The following TACC2 variants were observed in gnomAD, a reference collection of about 807,000 sequenced individuals.
TACC2 encodes transforming acidic coiled-coil containing protein 2, also known as transforming acidic coiled-coil-containing protein 2.
TACC2 carries 137 observed loss-of-function variants against 227.3 expected under a neutral mutation model. The ratio of observed to expected loss-of-function variants is 0.60; its 90% CI spans 0.52 to 0.69. The LOEUF (loss-of-function observed/expected upper bound fraction) is 0.69. Among genes scored for constraint, TACC2 ranks in the 30% least tolerant of loss-of-function variants. The probability of loss-of-function intolerance (pLI) is 0.00; values close to 1 mark genes in which losing one functional copy is unlikely to be tolerated. For synonymous variants in TACC2, 1,523 were observed against 1,487.5 expected (o/e 1.02, Z -0.55); for missense variants, 3,470 against 3,694.4 (o/e 0.94, Z 1.57).
intron 6 of TACC2, 105 bp from the exon 7 acceptor site, chr10:122,143,467 A>G: frequency 8.7e-7 from 1 of 1,150,948 alleles, no homozygotes; most frequent in Non-Finnish European, 1.2e-6. Context: ...TAAAGAGTCC[A>G]TTCCATGTGT....
intron 1 of TACC2, among the ~76,000 whole-genome samples, chr10:122,016,199 C>T (rs11200329): frequency 6.8e-6 from 1 of 146,800 alleles, no homozygotes; most frequent in African/African-American, 2.5e-5. Context: ...AAGATCAAGT[C>T]TGCAGTGAGC....
chr10:122,221,344 G>A (rs1006503697), intron 11 of TACC2, among the ~76,000 whole-genome samples: 2 of 152,164 alleles, frequency 1.3e-5, no homozygotes, highest in African/African-American at 2.4e-5. Flanking sequence ...GGAACTATTG[G>A]TCTACACAGC....
chr10:122,041,742 G>C (rs920002440), intron 2 of TACC2, among the ~76,000 whole-genome samples: 1 of 152,180 alleles, frequency 6.6e-6, no homozygotes. Context: ...CACAGCACCC[G>C]GCCTTGACAG....
At chr10:122,225,704 T>G (rs1189683833) in intron 12 of TACC2, among the ~76,000 whole-genome samples, 1 of 152,200 alleles carries the variant, frequency 6.6e-6, no homozygotes, top group African/African-American at 2.4e-5. Context: ...CTTCCTCTTG[T>G]GCCACCACCC....
chr10:122,186,661 C>T (rs906745113), intron 7 of TACC2, among the ~76,000 whole-genome samples: 2 of 152,012 alleles, frequency 1.3e-5, no homozygotes, highest in Non-Finnish European at 2.9e-5. Context: ...TACAGGTGCC[C>T]GCCACCATAC....
intron 1 of TACC2, among the ~76,000 whole-genome samples, chr10:121,989,782 G>GGTTCTTACT (rs890887773): frequency 2.0e-5 from 3 of 150,996 alleles, no homozygotes; most frequent in Admixed American, 6.6e-5. Context: ...TTTAGAGATA[G>GGTTCTTACT]GTTCTTACTC....
At position 122,084,774 on chromosome 10, in the gene TACC2, C is replaced by T; in HGVS notation, c.2274C>T (p.Ser758=). The part of the protein sequence containing the change: ...GSCDGEGLLT[S]PDQPRGPACD... ...GTGATGGGGAGGGCTTGCTGACGTC[C>T]CCAGATCAACCCCGCGGGCCGGCGT... Residue 758 remains serine (S), a synonymous_variant, in exon 4 of 23, where the codon TCC becomes TCT. Coordinates refer to ENST00000369005, the MANE Select transcript of TACC2 (RefSeq NM_206862.4). 1 of 1,613,588 alleles carries T rather than the reference C, an allele frequency of 6.2e-7. No homozygotes were observed. The highest frequency in any genetic ancestry group is 2.2e-5 in the East Asian group (1 of 44,884).
At chr10:122,204,526 A>C (rs914509111) in intron 8 of TACC2, among the ~76,000 whole-genome samples, 1 of 152,204 alleles carries the variant, frequency 6.6e-6, no homozygotes, top group African/African-American at 2.4e-5. Flanking sequence ...AGTGACAGTC[A>C]GCAAAGCAGG....
At chr10:122,187,675 GA>G (rs1303006444) in intron 7 of TACC2, among the ~76,000 whole-genome samples, 3 of 151,910 alleles carry the variant, frequency 2.0e-5, no homozygotes, top group Non-Finnish European at 2.9e-5. Flanking sequence ...AGTTTTAGTA[GA>G]GACAGGGTTT....
chr10:122,112,958 A>C (rs2420983), intron 5 of TACC2: 113,529 of 151,976 alleles, frequency 0.75, 44,736 homozygotes, highest in East Asian at 0.93. Context: ...CGGGTCGGAG[A>C]GCCCAGAGCT....
intron 7 of TACC2, among the ~76,000 whole-genome samples, chr10:122,168,747 A>G (rs2093327173): frequency 6.6e-6 from 1 of 152,190 alleles, no homozygotes; most frequent in Admixed American, 6.5e-5. Flanking sequence ...TTGCTCTTCC[A>G]TCGACCCTCC....
At chr10:122,121,235 C>T (rs1231398084) in intron 5 of TACC2, among the ~76,000 whole-genome samples, 1 of 152,224 alleles carries the variant, frequency 6.6e-6, no homozygotes, top group African/African-American at 2.4e-5. Context: ...ACAGTACATC[C>T]TGTAGTGTTT....
At chr10:122,067,780 A>G (rs2136612863) in intron 3 of TACC2, among the ~76,000 whole-genome samples, 1 of 152,334 alleles carries the variant, frequency 6.6e-6, no homozygotes, top group African/African-American at 2.4e-5. Flanking sequence ...TGCTGGGATT[A>G]TAGGCGTGAG....
chr10:122,108,400 C>A (rs1016888323), intron 5 of TACC2, among the ~76,000 whole-genome samples: 3 of 147,320 alleles, frequency 2.0e-5, no homozygotes, highest in African/African-American at 5.0e-5. Context: ...CTCTCTCTCT[C>A]TATGTGTGTG....
At chr10:122,110,450 G>T (rs1218833042) in intron 5 of TACC2, among the ~76,000 whole-genome samples, 1 of 152,172 alleles carries the variant, frequency 6.6e-6, no homozygotes, top group Non-Finnish European at 1.5e-5. Flanking sequence ...TGATATCGAC[G>T]TATTTCTGTC....
intron 1 of TACC2, among the ~76,000 whole-genome samples, chr10:122,017,378 C>T (rs1313138647): frequency 6.6e-6 from 1 of 152,196 alleles, no homozygotes; most frequent in Non-Finnish European, 1.5e-5. Flanking sequence ...TCCCTCCCTC[C>T]CTGCCAGTCC....
chr10:122,151,122 A>T (rs1439696468), intron 7 of TACC2, among the ~76,000 whole-genome samples: 1 of 152,012 alleles, frequency 6.6e-6, no homozygotes, highest in East Asian at 1.9e-4. Flanking sequence ...CATTCCCCCC[A>T]CTCCAACTCC....
At chr10:122,143,497 G>A in intron 6 of TACC2, 75 bp from the exon 7 acceptor site, 1 of 1,531,986 alleles carries the variant, frequency 6.5e-7, no homozygotes, top group Non-Finnish European at 8.9e-7. Context: ...GGTTGGGTGG[G>A]GTGAATGGGG....
chr10:122,055,822 G>A (rs2076162396), intron 3 of TACC2, among the ~76,000 whole-genome samples: 1 of 152,258 alleles, frequency 6.6e-6, no homozygotes, highest in Non-Finnish European at 1.5e-5. Context: ...TTCTGGACTT[G>A]TGCGTATGCG....
Sources: gnomAD v4.1 joint callset for allele counts (sites outside exome capture counted in the v4.1 genomes callset) on GRCh38, gnomAD v4.1.1 for gene constraint, MANE v1.5 for transcripts, NCBI Gene and HGNC (gene_info 2026-07-23, HGNC 2026-07-21) for gene names.